Variants in RSBN1L observed in about 807,000 individuals in gnomAD.
RSBN1L encodes the protein round spermatid basic protein 1 like, also known as lysine-specific demethylase RSBN1L.
RSBN1L carries 30 observed loss-of-function variants against 67.7 expected under a neutral mutation model. The observed-to-expected ratio is 0.44, with a 90% CI of 0.33 to 0.60. The LOEUF (loss-of-function observed/expected upper bound fraction) is 0.60, where lower values mean the gene tolerates loss of function less well. Ranked by LOEUF, RSBN1L falls within the 20% of genes least tolerant of loss-of-function variation. RSBN1L has a pLI of 0.02. For missense variants in RSBN1L, 992 were observed against 1,031.7 expected (o/e 0.96, Z 0.53); for synonymous variants, 433 against 387.0 (o/e 1.12, Z -1.39).
chr7:77,752,374 G>T (rs1241190935), intron 3 of RSBN1L, among the ~76,000 whole-genome samples: 2 of 151,510 alleles, frequency 1.3e-5, no homozygotes, highest in Non-Finnish European at 2.9e-5. Context: ...AAGTACATGT[G>T]CAAGGCCCGT....
At chr7:77,764,782 C>T (rs1488886877) in intron 3 of RSBN1L, among the ~76,000 whole-genome samples, 1 of 151,992 alleles carries the variant, frequency 6.6e-6, no homozygotes, top group Non-Finnish European at 1.5e-5. Context: ...GCGCGCCGGC[C>T]ACCACACTCG....
At chr7:77,765,325 G>A (rs924672465) in intron 3 of RSBN1L, among the ~76,000 whole-genome samples, 170 bp from the exon 4 acceptor site, 1 of 152,136 alleles carries the variant, frequency 6.6e-6, no homozygotes, top group Non-Finnish European at 1.5e-5. Flanking sequence ...ATCTGTTACT[G>A]TTAGTAAAGT....
chr7:77,696,613 G>A lies in RSBN1L; in HGVS notation c.144G>A (p.Glu48=), dbSNP rs747156014. Residue 48 remains glutamate (E), a synonymous_variant, in exon 1 of 8, where the codon GAG becomes GAA. Coordinates refer to ENST00000334955, the MANE Select transcript of RSBN1L (RefSeq NM_198467.3). ...GSLSAKKVRT[E]EKKAPRRVNG... Reference sequence around the variant, plus strand: ...TGTCCGCCAAGAAGGTCCGGACTGAGGAGAAGAAGGCACCGCGGAGAGTGA... The same window carrying A: ...TGTCCGCCAAGAAGGTCCGGACTGAAGAGAAGAAGGCACCGCGGAGAGTGA... 1 of 1,614,088 alleles carries A rather than the reference G, an allele frequency of 6.2e-7. No individual in the cohort carries two copies. The highest frequency in any genetic ancestry group is 2.2e-5 in the East Asian group (1 of 44,868).
Position 77,696,693 on chromosome 7 carries a change from C to G in RSBN1L, c.224C>G (p.Pro75Arg), listed in dbSNP as rs533683985. ...NSRQLQPPAAPSPQSYGSPAS... is the reference protein window; with the variant it reads ...NSRQLQPPAARSPQSYGSPAS... ...AGGCAGCTGCAGCCGCCGGCAGCAC[C>G]TTCGCCTCAGAGCTATGGCAGCCCC... is the stretch of plus-strand genomic sequence containing the variant. Residue 75 changes from proline (P) to arginine (R), a missense_variant, in exon 1 of 8, where the codon CCT becomes CGT. Around this residue, in one of 7 missense-constraint regions of RSBN1L, gnomAD observed 575 missense variants for 483.2 expected, o/e 1.19. Transcript: ENST00000334955. 3 of 1,612,996 alleles carry G rather than the reference C, an allele frequency of 1.9e-6. No homozygotes were observed. The East Asian group carries it at 6.7e-5, about 36-fold the overall frequency.
intron 2 of RSBN1L, among the ~76,000 whole-genome samples, chr7:77,740,791 CTG>C (rs1051689759): frequency 9.2e-5 from 14 of 152,134 alleles, no homozygotes; most frequent in African/African-American, 3.1e-4. Context: ...CTTTCTGCCT[CTG>C]TGAGTGTCTC....
chr7:77,725,052 C>T (rs968903463), intron 1 of RSBN1L, among the ~76,000 whole-genome samples: 15 of 150,746 alleles, frequency 1.0e-4, no homozygotes, highest in African/African-American at 3.7e-4. Context: ...CCATGTTGGC[C>T]AGGCTGGTCT....
At chr7:77,776,471 C>G (rs920910046) in intron 6 of RSBN1L, among the ~76,000 whole-genome samples, 1 of 152,054 alleles carries the variant, frequency 6.6e-6, no homozygotes, top group African/African-American at 2.4e-5. Flanking sequence ...AATTTACTTT[C>G]TGTCTGTAGG....
chr7:77,751,687 T>A (rs929781101), intron 3 of RSBN1L, among the ~76,000 whole-genome samples: 1 of 152,212 alleles, frequency 6.6e-6, no homozygotes, highest in Non-Finnish European at 1.5e-5. Context: ...AAGGACTAGT[T>A]GTTCTGAGTA....
rs1162778559 is a variant in RSBN1L at position 77,779,190 on chromosome 7, T to G, written c.*22T>G. 1.3e-6 allele frequency: 2 copies of G among 1,518,418 alleles called. No individual in the cohort carries two copies. The highest frequency in any genetic ancestry group is 2.8e-5 in the African/African-American group (2 of 71,480). 94.1% of individuals were successfully genotyped at this position (1,518,418 alleles called of 1,614,324 possible). ...CTAAATTTGCATATACCATCTAAAA[T>G]CCTTTTTTAAAAAAATTTAATGTAA... On this transcript the variant is annotated 3_prime_UTR_variant, in exon 8 of 8. Coordinates refer to ENST00000334955, the MANE Select transcript of RSBN1L (RefSeq NM_198467.3).
chr7:77,729,929 A>G (rs1292748896), intron 1 of RSBN1L, among the ~76,000 whole-genome samples: 2 of 152,138 alleles, frequency 1.3e-5, no homozygotes, highest in Non-Finnish European at 2.9e-5. Context: ...ACTCCAGTCC[A>G]TGTGACAGAG....
rs1487270434 is a variant in RSBN1L, at chr7:77,782,527, T to C, written c.*3359T>C. On this transcript the variant is annotated 3_prime_UTR_variant, in exon 8 of 8. Coordinates refer to ENST00000334955, the MANE Select transcript of RSBN1L (RefSeq NM_198467.3). ...ATTTGTGATATTTACTTGCAAACTTTACTGAAGCCATATTCATTATCTTCC... is the reference window on the plus strand; with the variant it reads ...ATTTGTGATATTTACTTGCAAACTTCACTGAAGCCATATTCATTATCTTCC... The C allele has an allele frequency of 1.3e-5, 2 of 152,228 alleles. No individual in the cohort carries two copies. The highest frequency in any genetic ancestry group is 2.4e-5 in the African/African-American group (1 of 41,450). The allele number at this position is 152,228 out of a possible 1,614,324, so 9.4% of individuals were successfully genotyped here. A position where few individuals can be genotyped will look rare whatever the true frequency, so the allele number is the denominator to read the frequency against.
intron 3 of RSBN1L, among the ~76,000 whole-genome samples, chr7:77,750,610 T>C (rs1490519748): frequency 1.3e-5 from 2 of 152,168 alleles, no homozygotes; most frequent in African/African-American, 4.8e-5. Context: ...GAATATATAT[T>C]ATTCTGGAAA....
chr7:77,764,511 A>G (rs535433905), intron 3 of RSBN1L, among the ~76,000 whole-genome samples: 6 of 152,224 alleles, frequency 3.9e-5, no homozygotes, highest in Non-Finnish European at 8.8e-5. Context: ...CTGCTGTAAA[A>G]CATTCCAGTT....
intron 2 of RSBN1L, among the ~76,000 whole-genome samples, chr7:77,748,219 C>T (rs1369936952): frequency 1.3e-5 from 2 of 152,084 alleles, no homozygotes; most frequent in African/African-American, 4.8e-5. Flanking sequence ...ATGGCTGTAG[C>T]ATTCAGGATG....
intron 2 of RSBN1L, among the ~76,000 whole-genome samples, chr7:77,747,369 T>C (rs1791498497): frequency 6.6e-6 from 1 of 152,186 alleles, no homozygotes; most frequent in Non-Finnish European, 1.5e-5. Context: ...TTGTGGCAGC[T>C]CCTCCCATCA....
At chr7:77,730,730 C>T (rs1791262479) in intron 1 of RSBN1L, among the ~76,000 whole-genome samples, 1 of 152,198 alleles carries the variant, frequency 6.6e-6, no homozygotes, top group East Asian at 1.9e-4. Flanking sequence ...TGATAGCTCA[C>T]TTCTTTTTAG....
intron 2 of RSBN1L, among the ~76,000 whole-genome samples, chr7:77,739,821 C>G (rs1791385617): frequency 8.6e-6 from 1 of 115,762 alleles, no homozygotes; most frequent in Non-Finnish European, 1.7e-5. Context: ...GCGATCTCGG[C>G]TCACTGCAAA....
chr7:77,777,441 C>G (rs1248025388), intron 6 of RSBN1L, among the ~76,000 whole-genome samples: 3 of 151,704 alleles, frequency 2.0e-5, no homozygotes. Flanking sequence ...GTGACAGATT[C>G]AGCTTTTGTT....
At chr7:77,774,494 T>C (rs1052375776) in intron 6 of RSBN1L, among the ~76,000 whole-genome samples, 9 of 152,104 alleles carry the variant, frequency 5.9e-5, no homozygotes, top group Non-Finnish European at 8.8e-5. Flanking sequence ...TTTCGGAGGC[T>C]GAGGTGGGCA....
Sources: gnomAD v4.1 joint callset for allele counts (sites outside exome capture counted in the v4.1 genomes callset) on GRCh38, gnomAD v4.1.1 for gene constraint, gnomAD v4.1.1 regional missense constraint, MANE v1.5 for transcripts, NCBI Gene and HGNC (gene_info 2026-07-23, HGNC 2026-07-21) for gene names.